Variants in TASP1 observed in about 807,000 individuals in gnomAD.
The protein encoded by TASP1 is threonine aspartase 1.
TASP1 carries 16 observed loss-of-function variants against 56.6 expected under a neutral mutation model. That is an observed-to-expected ratio of 0.28 (90% CI 0.19 to 0.43). TASP1 has a LOEUF of 0.43. TASP1 is among the 20% of genes least tolerant of loss of function. TASP1 has a pLI of 1.00. For synonymous variants in TASP1, 179 were observed against 184.2 expected, an observed-to-expected ratio of 0.97 and a Z score of 0.23; for missense variants, 393 against 511.6, an observed-to-expected ratio of 0.77 and a Z score of 2.24.
At chr20:13,414,647 TA>T (rs919303450) in intron 13 of TASP1, among the ~76,000 whole-genome samples, 1 of 152,186 alleles carries the variant, frequency 6.6e-6, no homozygotes, top group African/African-American at 2.4e-5. Flanking sequence ...GGGTGTTTAT[TA>T]AAAACTCTTC....
the TASP1 span, among the ~76,000 whole-genome samples, chr20:13,158,151 C>A: frequency 6.6e-6 from 1 of 152,146 alleles, no homozygotes; most frequent in Non-Finnish European, 1.5e-5. Flanking sequence ...TGGTGTTATA[C>A]AAGAGGTAGT....
At position 13,510,362 on chromosome 20, in the gene TASP1, A is replaced by T. The variant is rs1190698769; in HGVS notation, c.874+18071T>A. ...GCCCCAGAACCAAGAAGCAAAGCAG[A>T]ACATAAACAATATGAAAAAGGCCAG... On this transcript the variant is annotated intron_variant, in intron 10 of 13. Transcript: ENST00000337743. Among the ~76,000 whole-genome samples, 4 of 152,202 alleles carry T rather than the reference A, an allele frequency of 2.6e-5. 1 individual carries two copies. The highest frequency in any genetic ancestry group is 2.6e-4 in the Admixed American group (4 of 15,274).
At chr20:13,278,369 G>A in the TASP1 span, among the ~76,000 whole-genome samples, 2 of 152,178 alleles carry the variant, frequency 1.3e-5, no homozygotes, top group African/African-American at 4.8e-5. Flanking sequence ...GAGCCATGGG[G>A]TGAGTGAAAA....
chr20:13,485,458 GA>G (rs902592488), intron 10 of TASP1, among the ~76,000 whole-genome samples: 1 of 151,634 alleles, frequency 6.6e-6, no homozygotes, highest in African/African-American at 2.4e-5. Context: ...TTCTAAAAGA[GA>G]AAAAAAAGGA....
intron 7 of TASP1, among the ~76,000 whole-genome samples, chr20:13,567,463 T>C (rs1308485672): frequency 6.6e-6 from 1 of 151,590 alleles, no homozygotes; most frequent in Non-Finnish European, 1.5e-5. Flanking sequence ...ATACAGAAAA[T>C]GTGAAGGAAG....
At chr20:13,623,877 C>CATT (rs1355219557) in intron 3 of TASP1, among the ~76,000 whole-genome samples, 1 of 152,278 alleles carries the variant, frequency 6.6e-6, no homozygotes, top group East Asian at 1.9e-4. Flanking sequence ...AACACTAAAT[C>CATT]TCAAACTAAT....
the TASP1 span, chr20:13,167,343 G>A: frequency 6.9e-6 from 1 of 145,628 alleles, no homozygotes; most frequent in Admixed American, 6.7e-5. Flanking sequence ...TCACCGCCCC[G>A]ACCTTAGCTC....
intron 11 of TASP1, among the ~76,000 whole-genome samples, chr20:13,472,475 T>C (rs893922916): frequency 6.6e-6 from 1 of 150,792 alleles, no homozygotes; most frequent in Admixed American, 6.6e-5. Context: ...AAAGCCAAAA[T>C]TGACAAATGG....
the TASP1 span, among the ~76,000 whole-genome samples, chr20:13,176,093 C>A: frequency 6.6e-6 from 1 of 151,890 alleles, no homozygotes; most frequent in Non-Finnish European, 1.5e-5. Flanking sequence ...AATTAGTGAA[C>A]CATATAAAAG....
chr20:13,465,185 A>G (rs1197802604), intron 11 of TASP1, among the ~76,000 whole-genome samples: 155 of 139,906 alleles, frequency 1.1e-3, no homozygotes, highest in African/African-American at 4.0e-3. Context: ...TCCCAAAAAA[A>G]AAAAAAAAAA....
chr20:13,213,540 C>T, the TASP1 span, among the ~76,000 whole-genome samples: 1 of 152,146 alleles, frequency 6.6e-6, no homozygotes, highest in East Asian at 1.9e-4. Context: ...GGTCACAGCC[C>T]ACTGCCCTGA....
At chr20:13,116,578 A>G in the TASP1 span, among the ~76,000 whole-genome samples, 1 of 151,992 alleles carries the variant, frequency 6.6e-6, no homozygotes, top group African/African-American at 2.4e-5. Context: ...TCCCAGGAGG[A>G]TCTTTGTTAA....
chr20:13,223,359 C>T, the TASP1 span, among the ~76,000 whole-genome samples: 1 of 152,082 alleles, frequency 6.6e-6, no homozygotes, highest in Non-Finnish European at 1.5e-5. Context: ...TTACTACGTG[C>T]CACCGTTTTA....
At chr20:13,170,483 G>A in the TASP1 span, among the ~76,000 whole-genome samples, 8 of 152,166 alleles carry the variant, frequency 5.3e-5, no homozygotes, top group Non-Finnish European at 8.8e-5. Context: ...CCAAATGGGA[G>A]GCTGAATTCT....
the TASP1 span, among the ~76,000 whole-genome samples, chr20:13,163,359 C>T: frequency 4.7e-5 from 6 of 126,402 alleles, no homozygotes; most frequent in African/African-American, 1.8e-4. Context: ...CAGAGTGAGA[C>T]GCTGTCTCAA....
At chr20:13,498,090 T>G (rs2043796396) in intron 10 of TASP1, among the ~76,000 whole-genome samples, 1 of 151,868 alleles carries the variant, frequency 6.6e-6, no homozygotes, top group Non-Finnish European at 1.5e-5. Context: ...CAAAAGCAAC[T>G]GCAATAAAAA....
chr20:13,267,715 A>C, the TASP1 span, among the ~76,000 whole-genome samples: 1 of 152,214 alleles, frequency 6.6e-6, no homozygotes, highest in East Asian at 1.9e-4. Flanking sequence ...GCAAAATGTT[A>C]AAGAGTAGCA....
the TASP1 span, among the ~76,000 whole-genome samples, chr20:13,131,692 C>T: frequency 6.6e-6 from 1 of 152,338 alleles, no homozygotes; most frequent in Admixed American, 6.5e-5. Context: ...CACCTCTCAC[C>T]TGGATTCCTG....
At chr20:13,110,053 T>C in the TASP1 span, 5 of 1,424,608 alleles carry the variant, frequency 3.5e-6, no homozygotes, top group East Asian at 2.3e-5. Context: ...AAAAAGAAAG[T>C]GGAAAAGGAA....
Sources: gnomAD v4.1 joint callset for allele counts (sites outside exome capture counted in the v4.1 genomes callset) on GRCh38, gnomAD v4.1.1 for gene constraint, MANE v1.5 for transcripts, NCBI Gene and HGNC (gene_info 2026-07-23, HGNC 2026-07-21) for gene names.